SLC25A11: variants seen among roughly 807,000 people sequenced by gnomAD.
SLC25A11 encodes the protein mitochondrial 2-oxoglutarate/malate carrier protein.
SLC25A11 carries 11 observed loss-of-function variants against 32.7 expected under a neutral mutation model. The observed-to-expected ratio is 0.34, with a 90% confidence interval of 0.21 to 0.56. The LOEUF is 0.56. Ranked by LOEUF, SLC25A11 falls within the 20% of genes least tolerant of loss-of-function variation. The pLI, the probability that SLC25A11 is intolerant of heterozygous loss-of-function variation, is 0.90. For synonymous variants in SLC25A11, 163 were observed against 168.3 expected, an observed-to-expected ratio of 0.97 and a Z score of 0.24; for missense variants, 295 against 426.3, an observed-to-expected ratio of 0.69 and a Z score of 2.71.
rs1031306974 is a variant in SLC25A11 at position 4,939,628 on chromosome 17, C to A, written c.95+188G>T. 4.8e-6 allele frequency: 3 copies of A among 628,876 alleles called. No homozygotes were observed. The highest frequency in any genetic ancestry group is 3.7e-5 in the African/African-American group (2 of 53,736). The allele number at this position is 628,876 out of a possible 1,614,324, so 39.0% of individuals were successfully genotyped here. A position where few individuals can be genotyped will look rare whatever the true frequency, so the allele number is the denominator to read the frequency against. On this transcript the variant is annotated intron_variant, in intron 1 of 7. Transcript: ENST00000225665. This position sits in a 1 kb window ranked among gnomAD's most constrained non-coding sequence, Gnocchi z 4.1. The stretch of plus-strand genomic sequence containing the variant: ...GGCCCGGCGGGGGTTGTGCAACGAC[C>A]CTGCATGCAGTCCATAAGGGTCCTG...
At position 4,938,180 on chromosome 17, in the gene SLC25A11, G is replaced by A; in HGVS notation, c.711C>T (p.Ser237=). Residue 237 remains serine (S), a synonymous_variant, in exon 6 of 8, where the codon TCC becomes TCT. Coordinates refer to ENST00000225665, the MANE Select transcript of SLC25A11 (RefSeq NM_003562.5). This position sits in a 1 kb window ranked among gnomAD's most constrained non-coding sequence, Gnocchi z 7.6. ...GGGTCTTGGCAATGTCCACAGGCAT[G>A]GAGGCAGCAGTGGTGACAAGACCGC... ...MISGLVTTAA[S]MPVDIAKTRI... 2 of 1,614,172 alleles carry A rather than the reference G, an allele frequency of 1.2e-6. No individual in the cohort carries two copies. The highest frequency in any genetic ancestry group is 1.7e-6 in the Non-Finnish European group (2 of 1,179,992).
rs1442591914 is a variant in SLC25A11 at position 4,938,490 on chromosome 17, A to G, written c.546+22T>C. ...CTAAAACCAGACCTCACAGCCCCCA[A>G]GTCTCCAGCCCCTCCACTCACCCGC... On this transcript the variant is annotated intron_variant, in intron 4 of 7. Transcript: ENST00000225665. This position sits in a 1 kb window ranked among gnomAD's most constrained non-coding sequence, Gnocchi z 7.6. The G allele has an allele frequency of 1.2e-6, 2 of 1,613,726 alleles. No individual in the cohort carries two copies. Among genetic ancestry groups the G allele is most frequent in the Non-Finnish European group, 8.5e-7 (1 of 1,179,702 alleles).
In SLC25A11 at chr17:4,939,897, G is replaced by T; in HGVS notation, c.14C>A (p.Ala5Glu). The change falls in exon 1 of 8, where the codon GCG becomes GAG. Residue 5 changes from alanine to glutamate, a missense_variant. Physicochemically the swap from Ala to Glu is moderately radical, Grantham distance 107 (BLOSUM62 -1). Coordinates refer to ENST00000225665, the MANE Select transcript of SLC25A11 (RefSeq NM_003562.5). The surrounding 1 kb of genome is among the most constrained non-coding windows in gnomAD (Gnocchi z 4.1). The stretch of plus-strand genomic sequence containing the variant: ...GTCTATCCCGCCGGCCCCGGCACTC[G>T]CCGTCGCCGCCATCGCCACTCAATG... MAATASAGAGGIDGK... is the reference protein window; with the variant it reads MAATESAGAGGIDGK... 5.0e-6 allele frequency: 8 copies of T among 1,610,118 alleles called. No homozygotes were observed. Among genetic ancestry groups the T allele is most frequent in the Non-Finnish European group, 6.8e-6 (8 of 1,178,968 alleles).
Position 4,937,701 on chromosome 17 carries a change from G to A in SLC25A11, c.*40C>T, listed in dbSNP as rs1970455847. ...AGAGCCCAGGCCCCCAGGGCGCAGTGGCTATAGGCGCAGCAGGCGAGTGGG... is the reference window on the plus strand; with the variant it reads ...AGAGCCCAGGCCCCCAGGGCGCAGTAGCTATAGGCGCAGCAGGCGAGTGGG... On this transcript the variant is annotated 3_prime_UTR_variant, in exon 8 of 8. Coordinates refer to ENST00000225665, the MANE Select transcript of SLC25A11 (RefSeq NM_003562.5). 6.4e-7 allele frequency: 1 copy of A among 1,572,200 alleles called. No individual in the cohort carries two copies.
rs1275345230 is a variant in SLC25A11, at chr17:4,938,029, G to A, written c.783C>T (p.Asn261=). ...RMIDGKPEYK[N]GLDVLFKVVR... is the part of the protein sequence containing the mutation. ...CCCAGAATGGCTTCCTCACCAGCCC[G>A]TTCTTGTATTCCGGCTTCCCATCAA... is the stretch of plus-strand genomic sequence containing the variant. Residue 261 remains asparagine, a synonymous_variant, in exon 7 of 8, where the codon AAC becomes AAT. Transcript: ENST00000225665. This position sits in a 1 kb window ranked among gnomAD's most constrained non-coding sequence, Gnocchi z 7.6. The A allele has an allele frequency of 5.6e-6, 9 of 1,614,024 alleles. No individual in the cohort carries two copies. Among genetic ancestry groups the A allele is most frequent in the Admixed American group, 5.0e-5 (3 of 60,002 alleles).
In SLC25A11 at chr17:4,939,027, C is replaced by T; in HGVS notation, c.248+33G>A. 6.2e-7 allele frequency: 1 copy of T among 1,614,202 alleles called. No homozygotes were observed. The highest frequency in any genetic ancestry group is 8.5e-7 in the Non-Finnish European group (1 of 1,180,024). On this transcript the variant is annotated intron_variant, in intron 2 of 7. Coordinates refer to ENST00000225665, the MANE Select transcript of SLC25A11 (RefSeq NM_003562.5). This position sits in a 1 kb window ranked among gnomAD's most constrained non-coding sequence, Gnocchi z 4.1. ...AGGCCAAGGTCTAGAGCTGCCAACCCACAGTCTACCCTCCATCCTGAGGCC... is the reference window on the plus strand; with the variant it reads ...AGGCCAAGGTCTAGAGCTGCCAACCTACAGTCTACCCTCCATCCTGAGGCC...
At position 4,938,403 on chromosome 17, in the gene SLC25A11, G is replaced by A. The variant is rs148995017; in HGVS notation, c.573C>T (p.Ala191=). Residue 191 remains alanine, a synonymous_variant, in exon 5 of 8, where the codon GCC becomes GCT. Transcript: ENST00000225665. This position sits in a 1 kb window ranked among gnomAD's most constrained non-coding sequence, Gnocchi z 7.6. ...CGAGCTGGGCAGCATTGACGACGAC[G>A]GCCCGAGCCATGGTAGGGATGCAGC... ...WRGCIPTMAR[A]VVVNAAQLAS... 9.3e-6 allele frequency: 15 copies of A among 1,614,014 alleles called. No individual in the cohort carries two copies. The highest frequency in any genetic ancestry group is 1.6e-4 in the Middle Eastern group (1 of 6,082).
chr17:4,937,541 A>G lies in SLC25A11; in HGVS notation c.*200T>C. 1 of 524,822 alleles carries G rather than the reference A, an allele frequency of 1.9e-6. No individual in the cohort carries two copies. The highest frequency in any genetic ancestry group is 3.1e-6 in the Non-Finnish European group (1 of 317,958). The allele number at this position is 524,822 out of a possible 1,614,324, so 32.5% of individuals were successfully genotyped here. A position where few individuals can be genotyped will look rare whatever the true frequency, so the allele number is the denominator to read the frequency against. ...AAGTTTTCCAGCTCCCTGCAAGAAT[A>G]GCCAAGGACAGAGAAATCACAGGAT... On this transcript the variant is annotated 3_prime_UTR_variant, in exon 8 of 8. Coordinates refer to ENST00000225665, the MANE Select transcript of SLC25A11 (RefSeq NM_003562.5).
chr17:4,938,575 G>A lies in SLC25A11; in HGVS notation c.483C>T (p.Tyr161=), dbSNP rs1970499511. 1.2e-6 allele frequency: 2 copies of A among 1,614,020 alleles called. No individual in the cohort carries two copies. The highest frequency in any genetic ancestry group is 1.3e-5 in the African/African-American group (1 of 74,924). Residue 161 remains tyrosine, a synonymous_variant, in exon 4 of 8, where the codon TAC becomes TAT. Transcript: ENST00000225665. The surrounding 1 kb of genome is among the most constrained non-coding windows in gnomAD (Gnocchi z 7.6). Reference sequence around the variant, plus strand: ...GAATCAGGGCGTTAAACACATTTTTGTAGCCACGGCGCTGGTCAGCTGGAA... The same window carrying A: ...GAATCAGGGCGTTAAACACATTTTTATAGCCACGGCGCTGGTCAGCTGGAA... ...GRLPADQRRG[Y]KNVFNALIRI...
Position 4,937,576 on chromosome 17 carries a change from C to A in SLC25A11, c.*165G>T. On this transcript the variant is annotated 3_prime_UTR_variant, in exon 8 of 8. Transcript: ENST00000225665. ...AGAGAAATCACAGGATCAGGACGAG[C>A]AGGGCAAGCTGGAGCAGGGGGTAGA... 1 of 717,010 alleles carries A rather than the reference C, an allele frequency of 1.4e-6. No individual in the cohort carries two copies. The allele number at this position is 717,010 out of a possible 1,614,324, so 44.4% of individuals were successfully genotyped here. A position where few individuals can be genotyped will look rare whatever the true frequency, so the allele number is the denominator to read the frequency against.
rs1017695036 is a variant in SLC25A11 at position 4,938,993 on chromosome 17, C to G, written c.249-18G>C. 30 of 1,614,060 alleles carry G rather than the reference C, an allele frequency of 1.9e-5. No homozygotes were observed. The highest frequency in any genetic ancestry group is 1.6e-4 in the Middle Eastern group (1 of 6,084). ...CCGACAGCCTGAGGAGCAGAGGGGTCAGCATATCAGGCCAAGGTCTAGAGC... is the reference window on the plus strand; with the variant it reads ...CCGACAGCCTGAGGAGCAGAGGGGTGAGCATATCAGGCCAAGGTCTAGAGC... On this transcript the variant is annotated intron_variant, in intron 2 of 7. Transcript: ENST00000225665. This position sits in a 1 kb window ranked among gnomAD's most constrained non-coding sequence, Gnocchi z 7.6.
Position 4,939,301 on chromosome 17 carries a change from C to T in SLC25A11, c.96-89G>A, listed in dbSNP as rs965661480. 9 of 1,384,164 alleles carry T rather than the reference C, an allele frequency of 6.5e-6. No homozygotes were observed. Among genetic ancestry groups the T allele is most frequent in the Non-Finnish European group, 7.8e-6 (8 of 1,025,636 alleles). 85.7% of individuals were successfully genotyped at this position (1,384,164 alleles called of 1,614,324 possible). ...CCTGGCAGCAAGAGGTTACAAAGGT[C>T]AGGGCCTGCCATGCGATTCAAGAAT... On this transcript the variant is annotated intron_variant, in intron 1 of 7. Transcript: ENST00000225665. This position sits in a 1 kb window ranked among gnomAD's most constrained non-coding sequence, Gnocchi z 4.1.
rs751793096 is a variant in SLC25A11, at chr17:4,937,918, G to A, written c.790-22C>T. The A allele has an allele frequency of 1.6e-5, 25 of 1,612,086 alleles. No homozygotes were observed. The East Asian group carries it at 3.6e-4, about 23-fold the overall frequency. ...CGTCCTAGACACAGACAGGCAGGGC[G>A]CTGGGGCTAGGACTCTAGGTCCCCA... On this transcript the variant is annotated intron_variant, in intron 7 of 7. Coordinates refer to ENST00000225665, the MANE Select transcript of SLC25A11 (RefSeq NM_003562.5).
At position 4,937,890 on chromosome 17, in the gene SLC25A11, G is replaced by A. The variant is rs760199122; in HGVS notation, c.796C>T (p.Leu266=). 1 of 1,613,200 alleles carries A rather than the reference G, an allele frequency of 6.2e-7. No homozygotes were observed. Among genetic ancestry groups the A allele is most frequent in the Admixed American group, 1.7e-5 (1 of 59,926 alleles). Residue 266 remains leucine (L), a synonymous_variant, in exon 8 of 8, where the codon CTG becomes TTG. Coordinates refer to ENST00000225665, the MANE Select transcript of SLC25A11 (RefSeq NM_003562.5). The stretch of plus-strand genomic sequence containing the variant: ...CCCTCGTAGCGGACAACTTTGAACA[G>A]CACGTCCTAGACACAGACAGGCAGG... ...KPEYKNGLDV[L]FKVVRYEGFF... is the part of the protein sequence containing the mutation.
rs376422665 is a variant in SLC25A11, at chr17:4,937,904, C to A, written c.790-8G>T. Reference sequence around the variant, plus strand: ...AACTTTGAACAGCACGTCCTAGACACAGACAGGCAGGGCGCTGGGGCTAGG... The same window carrying A: ...AACTTTGAACAGCACGTCCTAGACAAAGACAGGCAGGGCGCTGGGGCTAGG... On this transcript the variant is annotated splice_region_variant and splice_polypyrimidine_tract_variant and intron_variant, in intron 7 of 7. Coordinates refer to ENST00000225665, the MANE Select transcript of SLC25A11 (RefSeq NM_003562.5). 2.5e-6 allele frequency: 4 copies of A among 1,612,516 alleles called. No individual in the cohort carries two copies. The highest frequency in any genetic ancestry group is 2.2e-5 in the East Asian group (1 of 44,882).
In SLC25A11 at chr17:4,939,150, C is replaced by T; in HGVS notation, c.158G>A (p.Gly53Glu). The change falls in exon 2 of 8, where the codon GGG (glycine) becomes GAG (glutamate). Residue 53 changes from glycine to glutamate, a missense_variant. Physicochemically the swap from Gly to Glu is moderately conservative, Grantham distance 98. Around this residue, in one of 3 missense-constraint regions of SLC25A11, gnomAD observed 104 missense variants for 121.5 expected, o/e 0.86. Coordinates refer to ENST00000225665, the MANE Select transcript of SLC25A11 (RefSeq NM_003562.5). This position sits in a 1 kb window ranked among gnomAD's most constrained non-coding sequence, Gnocchi z 4.1. The stretch of plus-strand genomic sequence containing the variant: ...GTACTCTCGAGTCTTGGCCCCTTCC[C>T]CGCTCAACTGCATCCGGTTCTTCAC... ...DLVKNRMQLS[G>E]EGAKTREYKT... is the part of the protein sequence containing the mutation. 1 of 1,613,960 alleles carries T rather than the reference C, an allele frequency of 6.2e-7. No homozygotes were observed. The highest frequency in any genetic ancestry group is 8.5e-7 in the Non-Finnish European group (1 of 1,179,836).
chr17:4,937,899 A>G lies in SLC25A11; in HGVS notation c.790-3T>C, dbSNP rs374458145. ...CGGACAACTTTGAACAGCACGTCCT[A>G]GACACAGACAGGCAGGGCGCTGGGG... On this transcript the variant is annotated splice_region_variant and splice_polypyrimidine_tract_variant and intron_variant, in intron 7 of 7. Coordinates refer to ENST00000225665, the MANE Select transcript of SLC25A11 (RefSeq NM_003562.5). 1.2e-6 allele frequency: 2 copies of G among 1,612,858 alleles called. No homozygotes were observed. Among genetic ancestry groups the G allele is most frequent in the African/African-American group, 2.7e-5 (2 of 74,910 alleles).
chr17:4,937,969 C>A, intron 7 of SLC25A11, 54 bp downstream of exon 7: 1 of 1,613,602 alleles, frequency 6.2e-7, no homozygotes, highest in Non-Finnish European at 8.5e-7. Context: ...TGCCTTCACA[C>A]CTTTCCCAGG....
chr17:4,939,646 G>C lies in SLC25A11; in HGVS notation c.95+170C>G, dbSNP rs1010252735. ...CAACGACCCTGCATGCAGTCCATAA[G>C]GGTCCTGCAATGGGGCCCTAGCAGC... On this transcript the variant is annotated intron_variant, in intron 1 of 7. Coordinates refer to ENST00000225665, the MANE Select transcript of SLC25A11 (RefSeq NM_003562.5). The surrounding 1 kb of genome is among the most constrained non-coding windows in gnomAD (Gnocchi z 4.1). 1.3e-5 allele frequency: 9 copies of C among 675,874 alleles called. No homozygotes were observed. Among genetic ancestry groups the C allele is most frequent in the African/African-American group, 9.2e-5 (5 of 54,482 alleles). The allele number at this position is 675,874 out of a possible 1,614,324, so 41.9% of individuals were successfully genotyped here. A position where few individuals can be genotyped will look rare whatever the true frequency, so the allele number is the denominator to read the frequency against.
Sources: gnomAD v4.1 joint callset for allele counts on GRCh38, gnomAD v4.1.1 for gene constraint, gnomAD v4.1.1 regional missense constraint, Gnocchi (gnomAD v3.1) non-coding constraint, MANE v1.5 for transcripts, NCBI Gene and HGNC (gene_info 2026-07-23, HGNC 2026-07-21) for gene names.